Variants in CEP350 observed in about 807,000 individuals in gnomAD.
CEP350 encodes the protein centrosomal protein 350.
A neutral mutation model predicts 331.8 loss-of-function variants in CEP350; 126 were observed. That is an observed-to-expected ratio of 0.38 (90% CI 0.33 to 0.44). CEP350 has a LOEUF of 0.44. CEP350 is among the 20% of genes least tolerant of loss of function. CEP350 has a pLI of 1.00. For synonymous variants in CEP350, 1,200 were observed against 1,259.5 expected, an observed-to-expected ratio of 0.95 and a Z score of 1.00; for missense variants, 3,406 against 3,634.6, an observed-to-expected ratio of 0.94 and a Z score of 1.62.
intron 7 of CEP350, among the ~76,000 whole-genome samples, chr1:180,004,199 T>C (rs1247410939): frequency 6.6e-6 from 1 of 152,208 alleles, no homozygotes; most frequent in Admixed American, 6.5e-5. Flanking sequence ...ATCTGTAAGA[T>C]AGGGATAATA....
chr1:180,099,722 C>T (rs1464422550), intron 37 of CEP350, among the ~76,000 whole-genome samples: 1 of 151,242 alleles, frequency 6.6e-6, no homozygotes, highest in Non-Finnish European at 1.5e-5. Flanking sequence ...TCAGTAATAA[C>T]TGTACTAGAT....
At chr1:180,079,970 A>G (rs1310034346) in intron 29 of CEP350, among the ~76,000 whole-genome samples, 2 of 152,206 alleles carry the variant, frequency 1.3e-5, no homozygotes, top group African/African-American at 4.8e-5. Context: ...ATCCTATAAA[A>G]TAGATACTGT....
intron 1 of CEP350, among the ~76,000 whole-genome samples, chr1:179,956,734 A>G (rs1477997695): frequency 6.6e-6 from 1 of 152,134 alleles, no homozygotes; most frequent in Non-Finnish European, 1.5e-5. Context: ...GTGTGCTTCT[A>G]TATACATTAT....
At chr1:180,104,326 C>T (rs1179926465) in intron 37 of CEP350, among the ~76,000 whole-genome samples, 1 of 151,852 alleles carries the variant, frequency 6.6e-6, no homozygotes, top group Non-Finnish European at 1.5e-5. Context: ...ATATTTTGGA[C>T]AGCCCAATAC....
At position 180,020,224 on chromosome 1, in the gene CEP350, A is replaced by G; in HGVS notation, c.2450A>G (p.Gln817Arg). Residue 817 changes from glutamine (Q) to arginine (R), a missense_variant, in exon 12 of 38, where the codon CAA becomes CGA. By Grantham distance (43) the Gln-to-Arg change is conservative. Around this residue, in one of 5 missense-constraint regions of CEP350, gnomAD observed 1,857 missense variants for 1,909.2 expected, o/e 0.97. Coordinates refer to ENST00000367607, the MANE Select transcript of CEP350 (RefSeq NM_014810.5). ...GCCTTGTTAAAACCTAGTGCCAGCCAATATAAGAGTAAACTGGATCGTATT... is the reference window on the plus strand; with the variant it reads ...GCCTTGTTAAAACCTAGTGCCAGCCGATATAAGAGTAAACTGGATCGTATT... ...TDALLKPSAS[Q>R]YKSKLDRIEA... 1 of 1,614,024 alleles carries G rather than the reference A, an allele frequency of 6.2e-7. No individual in the cohort carries two copies. The highest frequency in any genetic ancestry group is 8.5e-7 in the Non-Finnish European group (1 of 1,179,896).
intron 4 of CEP350, among the ~76,000 whole-genome samples, chr1:179,991,667 A>ATATG (rs1553252542): frequency 3.3e-5 from 3 of 90,194 alleles, no homozygotes; most frequent in African/African-American, 1.3e-4. Context: ...ATATATATAT[A>ATATG]TGTGTGTGTG....
At chr1:180,107,882 A>G (rs1326629402) in intron 37 of CEP350, among the ~76,000 whole-genome samples, 2 of 152,146 alleles carry the variant, frequency 1.3e-5, no homozygotes, top group Non-Finnish European at 1.5e-5. Context: ...TTTAGATGTA[A>G]TTAATTAAGC....
At chr1:180,035,023 A>G (rs1399387498) in intron 16 of CEP350, among the ~76,000 whole-genome samples, 1 of 152,204 alleles carries the variant, frequency 6.6e-6, no homozygotes, top group Non-Finnish European at 1.5e-5. Flanking sequence ...TTTTTGAAGG[A>G]AATGAAAGGT....
At position 179,956,111 on chromosome 1, in the gene CEP350, T is replaced by G. The variant is rs1258322959; in HGVS notation, c.-14+969T>G. ...AATATATTGTTTTTAAACAAGGAAA[T>G]GCACTGCTAATGACATGGAATTGTG... On this transcript the variant is annotated intron_variant, in intron 1 of 37. Coordinates refer to ENST00000367607, the MANE Select transcript of CEP350 (RefSeq NM_014810.5). Among the ~76,000 whole-genome samples the G allele has an allele frequency of 2.6e-5, 4 of 152,216 alleles. No individual in the cohort carries two copies. The East Asian group carries it at 5.8e-4, about 22-fold the overall frequency.
Position 180,098,929 on chromosome 1 carries a change from T to A in CEP350, c.9133T>A (p.Trp3045Arg). The A allele has an allele frequency of 6.2e-7, 1 of 1,613,672 alleles. No individual in the cohort carries two copies. The highest frequency in any genetic ancestry group is 2.2e-5 in the East Asian group (1 of 44,816). ...AAAGGAGCCAAACCACAAAACAGATTGGCAGAAAATGATGAAATTTGGAAG... is the reference window on the plus strand; with the variant it reads ...AAAGGAGCCAAACCACAAAACAGATAGGCAGAAAATGATGAAATTTGGAAG... Reference protein sequence around the residue: ...LKKEPNHKTDWQKMMKFGRKK... With the variant: ...LKKEPNHKTDRQKMMKFGRKK... The change falls in exon 37 of 38, where the codon TGG becomes AGG. Residue 3045 changes from tryptophan (W) to arginine (R), a missense_variant. This residue lies in a region of CEP350 where 1,415 missense variants were observed against 1,512.3 expected (regional missense o/e 0.94). Coordinates refer to ENST00000367607, the MANE Select transcript of CEP350 (RefSeq NM_014810.5).
chr1:180,096,000 C>A, intron 35 of CEP350, 38 bp from the exon 36 acceptor site: 1 of 1,546,724 alleles, frequency 6.5e-7, no homozygotes, highest in Non-Finnish European at 8.7e-7. Flanking sequence ...GGATTCTTAG[C>A]CATTTTGTTT....
At position 180,094,073 on chromosome 1, in the gene CEP350, A is replaced by G. The variant is rs755922129; in HGVS notation, c.7968A>G (p.Ser2656=). Residue 2656 remains serine, a synonymous_variant, in exon 34 of 38, where the codon TCA becomes TCG. Transcript: ENST00000367607. ...VLEAHVHQQS[S]VDSQISSKEN... The stretch of plus-strand genomic sequence containing the variant: ...AAGCCCATGTTCACCAGCAGTCTTC[A>G]GTGGATTCACAGATTTCTTCAAAGG... The G allele has an allele frequency of 6.2e-7, 1 of 1,613,928 alleles. No individual in the cohort carries two copies.
intron 25 of CEP350, 99 bp from the exon 26 acceptor site, chr1:180,062,121 G>A: frequency 9.3e-7 from 1 of 1,078,664 alleles, no homozygotes; most frequent in South Asian, 3.4e-5. Flanking sequence ...AATACTATAT[G>A]TATTTATTTT....
chr1:180,037,690 C>T (rs1384306914), intron 17 of CEP350, among the ~76,000 whole-genome samples: 4 of 152,190 alleles, frequency 2.6e-5, no homozygotes, highest in Middle Eastern at 6.8e-3. Context: ...CTCACCGTTG[C>T]CCAGGCTGGA....
In CEP350 at chr1:180,024,657, T is replaced by TCTTA. The variant is rs1425458123; in HGVS notation, c.3550+75_3550+76insCTTA. The TCTTA allele has an allele frequency of 5.4e-6, 8 of 1,479,996 alleles. No individual in the cohort carries two copies. In the Admixed American group the frequency reaches 1.4e-4, roughly 25 times the overall value. The allele number at this position is 1,479,996 out of a possible 1,614,324, so 91.7% of individuals were successfully genotyped here. A position where few individuals can be genotyped will look rare whatever the true frequency, so the allele number is the denominator to read the frequency against. On this transcript the variant is annotated intron_variant, in intron 14 of 37. Transcript: ENST00000367607. ...GTAGTAATCTAAAGTTATGATTTGA[T>TCTTA]TGCATAAGAAGTTAGAAGAATTTCT...
In CEP350 at chr1:180,031,354, A is replaced by G; in HGVS notation, c.3585A>G (p.Ser1195=). 6.2e-7 allele frequency: 1 copy of G among 1,607,346 alleles called. No homozygotes were observed. Among genetic ancestry groups the G allele is most frequent in the East Asian group, 2.3e-5 (1 of 44,434 alleles). Residue 1195 remains serine (S), a synonymous_variant, in exon 15 of 38, where the codon TCA becomes TCG. Transcript: ENST00000367607. ...LDSFTGNVQN[S]LLDEEKAERG... ...CATTCACTGGAAATGTTCAGAACTC[A>G]CTTCTTGATGAGGAAAAAGCAGAAC... is the stretch of plus-strand genomic sequence containing the variant.
At chr1:179,970,136 G>A (rs940238363) in intron 1 of CEP350, among the ~76,000 whole-genome samples, 5 of 152,124 alleles carry the variant, frequency 3.3e-5, no homozygotes, top group Non-Finnish European at 7.4e-5. Flanking sequence ...TCTTGTTTAC[G>A]AAGTTTAGCT....
rs1661320357 is a variant in CEP350 at position 180,109,006 on chromosome 1, C to T, written c.9190-1991C>T. ...AGCCAAGGATATATGTTGGACAATA[C>T]TGTTCTTCCCCTCTCTTACTCTCTC... On this transcript the variant is annotated intron_variant, in intron 37 of 37. Coordinates refer to ENST00000367607, the MANE Select transcript of CEP350 (RefSeq NM_014810.5). 3.3e-5 allele frequency among the ~76,000 whole-genome samples: 5 copies of T among 152,192 alleles called. No homozygotes were observed. In the South Asian group the frequency reaches 1.0e-3, roughly 32 times the overall value.
chr1:180,034,078 A>G lies in CEP350; in HGVS notation c.3942A>G (p.Ile1314Met), dbSNP rs375290671. The G allele has an allele frequency of 5.5e-5, 88 of 1,613,170 alleles. No individual in the cohort carries two copies. The highest frequency in any genetic ancestry group is 4.9e-4 in the Middle Eastern group (3 of 6,082). Reference protein sequence around the residue: ...SRTTTENMAPIPGSKRFSPAG... With the variant: ...SRTTTENMAPMPGSKRFSPAG... ...CAACGACAGAGAACATGGCTCCAAT[A>G]CCAGGTAAGTAGATTCATGCAATTG... Residue 1314 changes from isoleucine to methionine, a missense_variant, in exon 16 of 38, where the codon ATA becomes ATG. Around this residue, in one of 5 missense-constraint regions of CEP350, gnomAD observed 1,857 missense variants for 1,909.2 expected, o/e 0.97. Transcript: ENST00000367607.
Sources: allele counts gnomAD v4.1 joint callset (sites outside exome capture counted in the v4.1 genomes callset), GRCh38; gene constraint gnomAD v4.1.1; regional missense constraint gnomAD v4.1.1; transcripts MANE v1.5; gene names NCBI Gene and HGNC (gene_info 2026-07-23, HGNC 2026-07-21).